The following ZMYND11 variants were observed in gnomAD, a reference collection of about 807,000 sequenced individuals.
ZMYND11 encodes zinc finger MYND-type containing 11, also known as zinc finger MYND domain-containing protein 11.
ZMYND11 carries 9 observed loss-of-function variants against 84.9 expected under a neutral mutation model. That is an observed-to-expected ratio of 0.11 (90% CI 0.06 to 0.18). The LOEUF is 0.18. Ranked by LOEUF, ZMYND11 falls within the 10% of genes least tolerant of loss-of-function variation. The pLI is 1.00. For synonymous variants in ZMYND11, 250 were observed against 244.1 expected (o/e 1.02, Z -0.23); for missense variants, 409 against 761.0 (o/e 0.54, Z 5.44).
At chr10:230,594 CTAATATTTCAGTGAGCTATTGGTGACAT>C (rs552621831) in intron 4 of ZMYND11, among the ~76,000 whole-genome samples, 67 of 151,482 alleles carry the variant, frequency 4.4e-4, no homozygotes, top group Non-Finnish European at 8.8e-4. Context: ...GCTATGCTCA[CTAATATTTCAGTGAGCTATTGGTGACAT>C]TATTCTTGAT....
intron 6 of ZMYND11, among the ~76,000 whole-genome samples, chr10:238,823 C>A (rs952195424): frequency 5.3e-5 from 8 of 152,166 alleles, no homozygotes; most frequent in African/African-American, 1.9e-4. Flanking sequence ...ACTGTAAGAC[C>A]TCTACAGAAT....
chr10:242,182 G>C, intron 10 of ZMYND11, 43 bp downstream of exon 10: 2 of 1,604,044 alleles, frequency 1.2e-6, no homozygotes, highest in Non-Finnish European at 8.5e-7. Context: ...CTGTGCTTAT[G>C]AAGTCCTTAA....
At chr10:176,456 G>A (rs1051123121) in intron 1 of ZMYND11, among the ~76,000 whole-genome samples, 4 of 151,962 alleles carry the variant, frequency 2.6e-5, no homozygotes, top group African/African-American at 9.7e-5. Context: ...CATAAATGAA[G>A]GTTCACTCTG....
In ZMYND11 at chr10:158,992, T is replaced by TG. The variant is rs1413797201; in HGVS notation, c.-19-21002_-19-21001insG. On this transcript the variant is annotated intron_variant, in intron 1 of 14. Transcript: ENST00000381604. ...GATTTGCAGGGTTTTTTGTTTTTTG[T>TG]TTTTTTTTTTTTTTTTACATTATGT... Among the ~76,000 whole-genome samples the TG allele has an allele frequency of 5.9e-4, 47 of 80,276 alleles. 1 individual carries two copies. The highest frequency in any genetic ancestry group is 1.1e-3 in the African/African-American group (28 of 26,400). 52.7% of individuals were successfully genotyped at this position (80,276 alleles called of 152,430 possible). A position where few individuals can be genotyped will look rare whatever the true frequency, so the allele number is the denominator to read the frequency against.
At chr10:190,867 C>A (rs1346261479) in intron 2 of ZMYND11, among the ~76,000 whole-genome samples, 1 of 152,000 alleles carries the variant, frequency 6.6e-6, no homozygotes, top group African/African-American at 2.4e-5. Context: ...AGCCCATTTT[C>A]CTTTCTCTTT....
intron 2 of ZMYND11, among the ~76,000 whole-genome samples, chr10:189,671 A>G (rs1415240928): frequency 6.6e-6 from 1 of 152,146 alleles, no homozygotes; most frequent in Non-Finnish European, 1.5e-5. Flanking sequence ...TAGGACATTC[A>G]CCTTGCCTTG....
intron 3 of ZMYND11, among the ~76,000 whole-genome samples, chr10:217,733 CAT>C (rs1441496893): frequency 2.0e-5 from 3 of 152,098 alleles, no homozygotes; most frequent in Admixed American, 1.3e-4. Context: ...CGTATTGACT[CAT>C]GTGATTCATA....
At chr10:193,277 G>A (rs910544981) in intron 2 of ZMYND11, among the ~76,000 whole-genome samples, 1 of 152,072 alleles carries the variant, frequency 6.6e-6, no homozygotes, top group Non-Finnish European at 1.5e-5. Flanking sequence ...TCTGCCTTTT[G>A]CTTTGGGATT....
chr10:199,453 C>T (rs1386039197), intron 2 of ZMYND11, among the ~76,000 whole-genome samples: 1 of 151,872 alleles, frequency 6.6e-6, no homozygotes, highest in African/African-American at 2.4e-5. Context: ...TGTTGTTTTT[C>T]TTGGAGACAG....
intron 2 of ZMYND11, among the ~76,000 whole-genome samples, chr10:209,408 G>A (rs371828872): frequency 2.6e-5 from 4 of 152,110 alleles, no homozygotes; most frequent in Admixed American, 1.3e-4. Context: ...ACAAGCACTC[G>A]TGTAATTTCT....
chr10:174,071 T>C (rs1845995459), intron 1 of ZMYND11, among the ~76,000 whole-genome samples: 1 of 152,200 alleles, frequency 6.6e-6, no homozygotes, highest in Admixed American at 6.5e-5. Context: ...CCCTTATGAA[T>C]TGAAAACTTA....
At chr10:163,394 A>G (rs1554762638) in intron 1 of ZMYND11, among the ~76,000 whole-genome samples, 1 of 151,696 alleles carries the variant, frequency 6.6e-6, no homozygotes, top group South Asian at 2.1e-4. Flanking sequence ...TTTTCCTTCC[A>G]TTTTATTATT....
At chr10:239,800 T>TAATTCTGATCATTTCCCCACTA (rs1950580743) in intron 7 of ZMYND11, among the ~76,000 whole-genome samples, 2 of 152,322 alleles carry the variant, frequency 1.3e-5, no homozygotes, top group East Asian at 3.9e-4. Context: ...GCACTATGAT[T>TAATTCTGATCATTTCCCCACTA]AATTCTGATC....
chr10:158,975 G>T (rs547318759), intron 1 of ZMYND11, among the ~76,000 whole-genome samples: 92 of 124,986 alleles, frequency 7.4e-4, no homozygotes, highest in African/African-American at 2.5e-3. Context: ...ATGATTTGCA[G>T]GGTTTTTTGT....
At chr10:194,000 G>A (rs1375861387) in intron 2 of ZMYND11, among the ~76,000 whole-genome samples, 1 of 151,786 alleles carries the variant, frequency 6.6e-6, no homozygotes, top group African/African-American at 2.4e-5. Flanking sequence ...TTTTTTTAGT[G>A]GGGAGATAGG....
intron 6 of ZMYND11, among the ~76,000 whole-genome samples, chr10:238,132 A>G (rs1950280926): frequency 6.6e-6 from 1 of 152,250 alleles, no homozygotes; most frequent in South Asian, 2.1e-4. Flanking sequence ...AATTATTCTT[A>G]AAGGTCTTAA....
chr10:163,217 G>A (rs577198605), intron 1 of ZMYND11, among the ~76,000 whole-genome samples: 29 of 151,858 alleles, frequency 1.9e-4, no homozygotes, highest in African/African-American at 4.4e-4. Context: ...TTTTATGACC[G>A]CTCCCCATCA....
At chr10:198,800 C>T (rs35430317) in intron 2 of ZMYND11, among the ~76,000 whole-genome samples, 16 of 152,218 alleles carry the variant, frequency 1.1e-4, no homozygotes, top group Non-Finnish European at 2.1e-4. Context: ...AATTGTGTGC[C>T]ATATATCTAT....
At chr10:220,563 G>A (rs1424602197) in intron 3 of ZMYND11, among the ~76,000 whole-genome samples, 1 of 152,048 alleles carries the variant, frequency 6.6e-6, no homozygotes, top group East Asian at 1.9e-4. Flanking sequence ...TTTGTTTTCT[G>A]TGGTAATCTC....
Sources: gnomAD v4.1 joint callset for allele counts (sites outside exome capture counted in the v4.1 genomes callset) on GRCh38, gnomAD v4.1.1 for gene constraint, MANE v1.5 for transcripts, NCBI Gene and HGNC (gene_info 2026-07-23, HGNC 2026-07-21) for gene names.